The following NFIB variants were observed in gnomAD, a reference collection of about 807,000 sequenced individuals.
NFIB encodes nuclear factor 1 B-type.
In NFIB, 11 loss-of-function variants were observed where a neutral mutation model predicts 61.5. That is an observed-to-expected ratio of 0.18 (90% CI 0.11 to 0.30). The LOEUF is 0.30. Ranked by LOEUF, NFIB falls within the 10% of genes least tolerant of loss-of-function variation. NFIB has a pLI of 1.00. For missense variants in NFIB, 471 were observed against 608.9 expected (o/e 0.77, Z 2.38); for synonymous variants, 260 against 216.5 (o/e 1.20, Z -1.76).
chr9:14,224,746 G>A lies in NFIB; in HGVS notation c.563-44966C>T, dbSNP rs540284600. Reference sequence around the variant, plus strand: ...TGTTTGGTATCCCCAGTGGGGCCTGGGGTTGGGGCGGTCCTAGAACCAATT... The same window carrying A: ...TGTTTGGTATCCCCAGTGGGGCCTGAGGTTGGGGCGGTCCTAGAACCAATT... On this transcript the variant is annotated intron_variant, in intron 2 of 10. Transcript: ENST00000380953. Among the ~76,000 whole-genome samples, 3 of 152,292 alleles carry A rather than the reference G, an allele frequency of 2.0e-5. No homozygotes were observed. In the South Asian group the frequency reaches 6.2e-4, roughly 32 times the overall value.
At chr9:14,214,918 T>C (rs1422432213) in intron 2 of NFIB, among the ~76,000 whole-genome samples, 3 of 152,216 alleles carry the variant, frequency 2.0e-5, no homozygotes, top group African/African-American at 7.2e-5. Flanking sequence ...AGTACGTGTA[T>C]ACACATGCAT....
intron 1 of NFIB, among the ~76,000 whole-genome samples, chr9:14,382,862 C>G (rs2061504663): frequency 6.6e-6 from 1 of 151,998 alleles, no homozygotes; most frequent in South Asian, 2.1e-4. Context: ...AAAAAGCAAG[C>G]AAATAAAGCA....
At chr9:14,119,688 T>C (rs571813744) in intron 8 of NFIB, among the ~76,000 whole-genome samples, 4 of 152,304 alleles carry the variant, frequency 2.6e-5, no homozygotes, top group Admixed American at 1.3e-4. Context: ...ATATCAAAAT[T>C]ACATTACATG....
the NFIB span, among the ~76,000 whole-genome samples, chr9:14,449,259 C>T: frequency 7.2e-5 from 11 of 152,256 alleles, no homozygotes; most frequent in South Asian, 1.2e-3. Flanking sequence ...CATTTTATTT[C>T]CCCAACTATG....
the NFIB span, among the ~76,000 whole-genome samples, chr9:14,459,052 T>C: frequency 6.6e-6 from 1 of 152,120 alleles, no homozygotes; most frequent in Non-Finnish European, 1.5e-5. Flanking sequence ...AGAGCCCGCA[T>C]TGCCAAGTCA....
chr9:14,495,539 T>A, the NFIB span, among the ~76,000 whole-genome samples: 1 of 149,620 alleles, frequency 6.7e-6, no homozygotes, highest in Admixed American at 6.8e-5. Flanking sequence ...ATTTCCTGAA[T>A]TCTTCACTAA....
chr9:14,461,690 G>A, the NFIB span, among the ~76,000 whole-genome samples: 1 of 152,162 alleles, frequency 6.6e-6, no homozygotes, highest in African/African-American at 2.4e-5. Context: ...TGTGAAGTGG[G>A]CTGGGTAGTT....
chr9:14,132,920 C>G (rs2040569522), intron 6 of NFIB, among the ~76,000 whole-genome samples: 1 of 151,750 alleles, frequency 6.6e-6, no homozygotes, highest in Admixed American at 6.6e-5. Flanking sequence ...TATTTTTTGG[C>G]AGAAGAAAAC....
chr9:14,152,257 T>C (rs1414897396), intron 4 of NFIB, among the ~76,000 whole-genome samples: 1 of 152,110 alleles, frequency 6.6e-6, no homozygotes, highest in African/African-American at 2.4e-5. Flanking sequence ...ACACAGAAAA[T>C]ACTTGTATCC....
At chr9:14,497,598 T>C in the NFIB span, among the ~76,000 whole-genome samples, 1 of 152,240 alleles carries the variant, frequency 6.6e-6, no homozygotes, top group African/African-American at 2.4e-5. Flanking sequence ...TGAGGCACTT[T>C]ACAAATTGCC....
At chr9:14,374,618 T>C (rs1178012708) in intron 1 of NFIB, among the ~76,000 whole-genome samples, 1 of 152,144 alleles carries the variant, frequency 6.6e-6, no homozygotes, top group East Asian at 1.9e-4. Flanking sequence ...ATTGAATTAA[T>C]TAAAAACAAA....
At chr9:14,145,650 CTT>C (rs34440136) in intron 6 of NFIB, among the ~76,000 whole-genome samples, 500 of 125,844 alleles carry the variant, frequency 4.0e-3, no homozygotes, top group Middle Eastern at 0.026. Flanking sequence ...TTCTTTTAGA[CTT>C]TTTTTTTTTT....
At chr9:14,283,289 C>G (rs139143807) in intron 2 of NFIB, among the ~76,000 whole-genome samples, 1 of 152,104 alleles carries the variant, frequency 6.6e-6, no homozygotes, top group Non-Finnish European at 1.5e-5. Context: ...TAGCAAAACG[C>G]TTGTGTATTT....
intron 2 of NFIB, among the ~76,000 whole-genome samples, chr9:14,260,227 G>A (rs565599534): frequency 1.2e-4 from 19 of 152,270 alleles, no homozygotes; most frequent in African/African-American, 4.1e-4. Flanking sequence ...GAAGCTCACT[G>A]GAGTTCTGAG....
chr9:14,410,033 T>C, the NFIB span, among the ~76,000 whole-genome samples: 1 of 152,170 alleles, frequency 6.6e-6, no homozygotes, highest in Non-Finnish European at 1.5e-5. Context: ...CAGGAATGTC[T>C]TTTATGTGCT....
At chr9:14,511,975 A>T in the NFIB span, among the ~76,000 whole-genome samples, 1 of 152,350 alleles carries the variant, frequency 6.6e-6, no homozygotes, top group South Asian at 2.1e-4. Context: ...ATTTTTGCAC[A>T]ATTAAACTGT....
At chr9:14,383,654 G>A (rs1370684093) in intron 1 of NFIB, among the ~76,000 whole-genome samples, 4 of 152,188 alleles carry the variant, frequency 2.6e-5, no homozygotes, top group South Asian at 4.1e-4. Context: ...TAAGACCAGA[G>A]TTTCTGCAAG....
intron 2 of NFIB, among the ~76,000 whole-genome samples, chr9:14,197,963 C>A (rs2048635015): frequency 6.6e-6 from 1 of 152,056 alleles, no homozygotes; most frequent in African/African-American, 2.4e-5. Context: ...GTGCTATGGA[C>A]AATTTTACAT....
intron 2 of NFIB, among the ~76,000 whole-genome samples, chr9:14,224,388 C>A (rs1437484267): frequency 6.6e-6 from 1 of 152,132 alleles, no homozygotes; most frequent in Non-Finnish European, 1.5e-5. Flanking sequence ...TGAAAGTGTC[C>A]TGAGAAAAAT....
Sources: allele counts gnomAD v4.1 joint callset (sites outside exome capture counted in the v4.1 genomes callset), GRCh38; gene constraint gnomAD v4.1.1; transcripts MANE v1.5; gene names NCBI Gene and HGNC (gene_info 2026-07-23, HGNC 2026-07-21).